The following CAST variants were observed in gnomAD, a reference collection of about 807,000 sequenced individuals.
CAST encodes MIR583 host.
In CAST, 76 loss-of-function variants were observed where a neutral mutation model predicts 119.6. The ratio of observed to expected loss-of-function variants is 0.64; its 90% confidence interval spans 0.53 to 0.77. The LOEUF is 0.77. CAST is among the 30% of genes least tolerant of loss of function. CAST has a pLI of 0.00. For missense variants in CAST, 953 were observed against 946.5 expected (o/e 1.01, Z -0.09); for synonymous variants, 319 against 331.6 (o/e 0.96, Z 0.41).
the CAST span, among the ~76,000 whole-genome samples, chr5:96,356,690 T>C: frequency 6.6e-6 from 1 of 152,202 alleles, no homozygotes; most frequent in Admixed American, 6.5e-5. Flanking sequence ...CCATTGGTTA[T>C]ATATCTGTTT....
upstream of CAST, among the ~76,000 whole-genome samples, chr5:96,658,143 C>T (rs1561440839): frequency 6.6e-6 from 1 of 151,988 alleles, no homozygotes. Flanking sequence ...TGTGTTGCCT[C>T]CAGATCTGAG....
At chr5:96,343,180 A>T in the CAST span, among the ~76,000 whole-genome samples, 8 of 152,172 alleles carry the variant, frequency 5.3e-5, no homozygotes, top group African/African-American at 1.9e-4. Context: ...CTAAAAAAAA[A>T]CACATTTACA....
the CAST span, among the ~76,000 whole-genome samples, chr5:95,964,357 A>T: frequency 6.6e-6 from 1 of 152,262 alleles, no homozygotes; most frequent in Non-Finnish European, 1.5e-5. Context: ...TGGTTTAAAT[A>T]ATTAAATAAT....
the CAST span, among the ~76,000 whole-genome samples, chr5:96,055,080 G>A: frequency 9.9e-5 from 15 of 152,138 alleles, 1 homozygote; most frequent in East Asian, 1.7e-3. Context: ...TTCAAGGCAG[G>A]TGTCTTTCTC....
chr5:96,389,971 T>C, the CAST span, among the ~76,000 whole-genome samples: 1 of 152,100 alleles, frequency 6.6e-6, no homozygotes. Flanking sequence ...AGGGTTCTAA[T>C]GAGAGAACCT....
At chr5:96,479,439 G>T in the CAST span, among the ~76,000 whole-genome samples, 2 of 148,104 alleles carry the variant, frequency 1.4e-5, no homozygotes, top group Non-Finnish European at 3.0e-5. Context: ...ACTACCATTG[G>T]CCAGGCACTC....
At chr5:96,401,345 G>C in the CAST span, among the ~76,000 whole-genome samples, 43 of 152,272 alleles carry the variant, frequency 2.8e-4, no homozygotes, top group Non-Finnish European at 5.6e-4. Flanking sequence ...ACCAAAGTGG[G>C]ACAGTACAGG....
chr5:95,999,423 C>G, the CAST span, among the ~76,000 whole-genome samples: 1 of 152,122 alleles, frequency 6.6e-6, no homozygotes, highest in South Asian at 2.1e-4. Flanking sequence ...GATCATAGCT[C>G]ACTGCAACCT....
chr5:96,024,685 C>A, the CAST span, among the ~76,000 whole-genome samples: 3 of 152,116 alleles, frequency 2.0e-5, no homozygotes, highest in Non-Finnish European at 4.4e-5. Flanking sequence ...GTGAATTAGG[C>A]TCTCTGTGTC....
chr5:96,386,547 G>A, the CAST span, among the ~76,000 whole-genome samples: 1 of 152,196 alleles, frequency 6.6e-6, no homozygotes, highest in Admixed American at 6.5e-5. Flanking sequence ...TGGATTTGCA[G>A]ATAAGAGCTA....
the CAST span, among the ~76,000 whole-genome samples, chr5:96,499,036 AAAAAAAAAGAAAAAAG>A: frequency 6.6e-6 from 1 of 151,772 alleles, no homozygotes; most frequent in South Asian, 2.1e-4. Context: ...CAGGAAAAAA[AAAAAAAAAGAAAAAAG>A]AAAAAAAGAA....
the CAST span, among the ~76,000 whole-genome samples, chr5:96,437,420 T>C: frequency 2.0e-5 from 3 of 152,234 alleles, no homozygotes; most frequent in Non-Finnish European, 4.4e-5. Flanking sequence ...ATGCATTTAC[T>C]GAGTGAGTTG....
chr5:96,090,586 C>A, the CAST span, among the ~76,000 whole-genome samples: 1 of 152,042 alleles, frequency 6.6e-6, no homozygotes, highest in Non-Finnish European at 1.5e-5. Flanking sequence ...TCTCCTGGGG[C>A]CTTCACTTTC....
At chr5:96,516,316 A>G in the CAST span, among the ~76,000 whole-genome samples, 1 of 152,130 alleles carries the variant, frequency 6.6e-6, no homozygotes, top group East Asian at 1.9e-4. Flanking sequence ...GCTCAGCTCA[A>G]CGATCTCCCA....
the CAST span, among the ~76,000 whole-genome samples, chr5:96,368,182 C>T: frequency 4.6e-5 from 7 of 151,830 alleles, no homozygotes; most frequent in African/African-American, 1.7e-4. Flanking sequence ...TTACTAATTA[C>T]CAATTTTTAA....
the CAST span, among the ~76,000 whole-genome samples, chr5:96,492,199 G>T: frequency 1.3e-5 from 2 of 152,198 alleles, no homozygotes; most frequent in Non-Finnish European, 2.9e-5. Context: ...AATCTTCAAG[G>T]CTGCCACTTA....
At chr5:96,310,811 CT>C in the CAST span, among the ~76,000 whole-genome samples, 1 of 148,030 alleles carries the variant, frequency 6.8e-6, no homozygotes, top group African/African-American at 2.5e-5. Flanking sequence ...AATCTTTTCT[CT>C]TTTTCTCTTG....
chr5:96,664,556 G>A (rs754882074), intron 1 of CAST, among the ~76,000 whole-genome samples: 8 of 152,204 alleles, frequency 5.3e-5, no homozygotes, highest in Middle Eastern at 3.4e-3. Context: ...CCACTGCACT[G>A]GGCCTACAGG....
chr5:96,551,227 A>G (rs1287140967), intron 1 of CAST, among the ~76,000 whole-genome samples: 1 of 152,248 alleles, frequency 6.6e-6, no homozygotes, highest in Non-Finnish European at 1.5e-5. Context: ...TCTCTGCAGA[A>G]ACCCTACAAG....
Sources: allele counts gnomAD v4.1 joint callset (sites outside exome capture counted in the v4.1 genomes callset), GRCh38; gene constraint gnomAD v4.1.1; transcripts MANE v1.5; gene names NCBI Gene and HGNC (gene_info 2026-07-23, HGNC 2026-07-21).